FHIP1A: variants seen among roughly 807,000 people sequenced by gnomAD.
FHIP1A encodes the protein FHF complex subunit HOOK-interacting protein 1A.
A neutral mutation model predicts 88.6 loss-of-function variants in FHIP1A; 61 were observed. The ratio of observed to expected loss-of-function variants is 0.69; its 90% confidence interval spans 0.56 to 0.85. The LOEUF (loss-of-function observed/expected upper bound fraction) is 0.85. Ranked by LOEUF, FHIP1A falls within the 40% of genes least tolerant of loss-of-function variation. The pLI is 0.00. For missense variants in FHIP1A, 1,154 were observed against 1,273.5 expected, an observed-to-expected ratio of 0.91 and a Z score of 1.43; for synonymous variants, 478 against 496.0, an observed-to-expected ratio of 0.96 and a Z score of 0.48.
In FHIP1A at chr4:151,603,976, T is replaced by C. The variant is rs113343680; in HGVS notation, c.978+15050T>C. On this transcript the variant is annotated intron_variant, in intron 7 of 13. Transcript: ENST00000435205. ...TGCTGGATTAAATTTTCTAAACACA[T>C]CATCCTTCCTCTGAAACCTTAAGTG... Among the ~76,000 whole-genome samples, 470 of 152,310 alleles carry C rather than the reference T, an allele frequency of 3.1e-3. 2 individuals carry two copies. Among genetic ancestry groups the C allele is most frequent in the African/African-American group, 0.011 (457 of 41,572 alleles).
chr4:151,487,922 A>G (rs1360966564), intron 3 of FHIP1A, among the ~76,000 whole-genome samples: 1 of 152,068 alleles, frequency 6.6e-6, no homozygotes, highest in African/African-American at 2.4e-5. Flanking sequence ...GAAATCTAGG[A>G]TTATCCTTTA....
chr4:151,653,679 G>C (rs1208735083), intron 11 of FHIP1A, among the ~76,000 whole-genome samples: 1 of 152,148 alleles, frequency 6.6e-6, no homozygotes, highest in African/African-American at 2.4e-5. Context: ...GTCCAGACCG[G>C]AAATGAGACT....
intron 9 of FHIP1A, among the ~76,000 whole-genome samples, chr4:151,639,854 C>T (rs1466770743): frequency 6.6e-6 from 1 of 152,164 alleles, no homozygotes; most frequent in African/African-American, 2.4e-5. Flanking sequence ...GACTTCCTGA[C>T]CCTTCATTTG....
intron 1 of FHIP1A, among the ~76,000 whole-genome samples, chr4:151,417,818 A>G (rs1732952517): frequency 2.6e-5 from 4 of 152,188 alleles, no homozygotes; most frequent in Non-Finnish European, 5.9e-5. Flanking sequence ...ATTTGTGTAT[A>G]CTACAAAACA....
Position 151,551,051 on chromosome 4 carries a change from A to G in FHIP1A, c.-122-15087A>G, listed in dbSNP as rs560863572. On this transcript the variant is annotated intron_variant, in intron 3 of 13. Coordinates refer to ENST00000435205, the MANE Select transcript of FHIP1A (RefSeq NM_001109977.3). ...AAAGCAGCTGTCTTTGGCAGAGGGA[A>G]AATTCTGGAGAGGGCTGACAGCCCA... is the stretch of plus-strand genomic sequence containing the variant. Among the ~76,000 whole-genome samples the G allele has an allele frequency of 1.1e-4, 16 of 152,312 alleles. No individual in the cohort carries two copies. The East Asian group carries it at 3.1e-3, about 29-fold the overall frequency.
intron 13 of FHIP1A, among the ~76,000 whole-genome samples, chr4:151,660,642 A>C (rs1326406908): frequency 6.6e-6 from 1 of 152,256 alleles, no homozygotes; most frequent in African/African-American, 2.4e-5. Flanking sequence ...GTGATAAAAC[A>C]TAAACAATGT....
At chr4:151,532,614 T>G (rs1049789833) in intron 3 of FHIP1A, among the ~76,000 whole-genome samples, 5 of 152,160 alleles carry the variant, frequency 3.3e-5, no homozygotes, top group Middle Eastern at 6.8e-3. Flanking sequence ...AGGAACTTGG[T>G]GGGGGGTGCT....
chr4:151,468,814 A>G (rs1580602371), intron 2 of FHIP1A, among the ~76,000 whole-genome samples: 1 of 130,008 alleles, frequency 7.7e-6, no homozygotes. Flanking sequence ...GTCTACTGTG[A>G]AGGTCTGATG....
chr4:151,566,687 C>G (rs1324111962), intron 4 of FHIP1A, among the ~76,000 whole-genome samples: 1 of 152,134 alleles, frequency 6.6e-6, no homozygotes, highest in East Asian at 1.9e-4. Context: ...CTCTCTCTCT[C>G]TCTTCCCTGC....
chr4:151,489,371 G>C (rs576516322), intron 3 of FHIP1A, among the ~76,000 whole-genome samples: 5 of 152,204 alleles, frequency 3.3e-5, no homozygotes, highest in Non-Finnish European at 7.3e-5. Flanking sequence ...AGCAGAATTG[G>C]GGAGGGGCCA....
chr4:151,532,472 T>A (rs551618728), intron 3 of FHIP1A, among the ~76,000 whole-genome samples: 54 of 152,264 alleles, frequency 3.5e-4, no homozygotes, highest in African/African-American at 1.3e-3. Context: ...CATCCAGAGG[T>A]GCCACAAGAG....
intron 13 of FHIP1A, among the ~76,000 whole-genome samples, chr4:151,660,767 G>C (rs1451413628): frequency 2.0e-5 from 3 of 152,294 alleles, no homozygotes; most frequent in Middle Eastern, 3.4e-3. Context: ...ATGACTTCTG[G>C]GGGCAGGAAA....
At chr4:151,438,861 C>T (rs1448193315) in intron 1 of FHIP1A, among the ~76,000 whole-genome samples, 1 of 151,818 alleles carries the variant, frequency 6.6e-6, no homozygotes, top group African/African-American at 2.4e-5. Context: ...TCAGGCTGGG[C>T]GTGAGCTTCT....
intron 3 of FHIP1A, among the ~76,000 whole-genome samples, chr4:151,544,072 T>C (rs1732397099): frequency 6.6e-6 from 1 of 152,316 alleles, no homozygotes; most frequent in Admixed American, 6.5e-5. Context: ...TGGTACTCCC[T>C]GAGTACTTAT....
intron 9 of FHIP1A, among the ~76,000 whole-genome samples, chr4:151,640,637 T>G (rs752528964): frequency 6.6e-6 from 1 of 152,210 alleles, no homozygotes; most frequent in Non-Finnish European, 1.5e-5. Flanking sequence ...GTTAAATTCT[T>G]AAATACTGCT....
intron 3 of FHIP1A, among the ~76,000 whole-genome samples, chr4:151,562,745 G>A (rs936223123): frequency 6.6e-6 from 1 of 152,180 alleles, no homozygotes; most frequent in African/African-American, 2.4e-5. Context: ...GTTATTGAAA[G>A]TTCAGGAGGA....
At chr4:151,580,388 A>G (rs1047360061) in intron 5 of FHIP1A, among the ~76,000 whole-genome samples, 6 of 152,218 alleles carry the variant, frequency 3.9e-5, no homozygotes, top group Non-Finnish European at 8.8e-5. Context: ...TACTTATTGC[A>G]TTACAGCAAG....
At chr4:151,468,304 A>AAG (rs1729397913) in intron 2 of FHIP1A, among the ~76,000 whole-genome samples, 1 of 151,600 alleles carries the variant, frequency 6.6e-6, no homozygotes, top group Non-Finnish European at 1.5e-5. Flanking sequence ...AAAAAAAAAA[A>AAG]AAAAGAATAC....
intron 3 of FHIP1A, among the ~76,000 whole-genome samples, chr4:151,493,908 C>T (rs1461431762): frequency 3.9e-5 from 6 of 152,048 alleles, no homozygotes; most frequent in South Asian, 2.1e-4. Context: ...TCCTGAGGAC[C>T]GGAACAAGAC....
Sources: gnomAD v4.1 joint callset for allele counts (sites outside exome capture counted in the v4.1 genomes callset) on GRCh38, gnomAD v4.1.1 for gene constraint, MANE v1.5 for transcripts, NCBI Gene and HGNC (gene_info 2026-07-23, HGNC 2026-07-21) for gene names.